Variants in SCN10A observed in about 807,000 individuals in gnomAD.
SCN10A encodes the protein sodium channel protein type 10 subunit alpha.
A neutral mutation model predicts 170.7 loss-of-function variants in SCN10A; 162 were observed. The observed-to-expected ratio is 0.95, with a 90% CI of 0.84 to 1.08. The LOEUF (loss-of-function observed/expected upper bound fraction) is 1.08, where lower values mean the gene tolerates loss of function less well. SCN10A is among the 50% of genes least tolerant of loss of function. The pLI is 0.00. For synonymous variants in SCN10A, 985 were observed against 904.6 expected (o/e 1.09, Z -1.59); for missense variants, 2,527 against 2,436.9 (o/e 1.04, Z -0.78).
rs950779366 is a variant in SCN10A, at chr3:38,714,059, C to T, written c.3703G>A (p.Ala1235Thr). ...IVNISLISLT[A>T]KILEYSEVAP... ...ACTTCAGAATATTCCAGAATCTTCG[C>T]TGTGAGACTTATCAGTGAGATCTGA... is the stretch of plus-strand genomic sequence containing the variant. Residue 1235 changes from alanine to threonine, a missense_variant, in exon 22 of 28, where the codon GCG becomes ACG. By Grantham distance (58) the Ala-to-Thr change is moderately conservative. Transcript: ENST00000449082. 14 of 1,614,100 alleles carry T rather than the reference C, an allele frequency of 8.7e-6. No individual in the cohort carries two copies. The highest frequency in any genetic ancestry group is 4.4e-5 in the South Asian group (4 of 91,090).
chr3:38,697,364 A>G lies in SCN10A; in HGVS notation c.5856T>C (p.Ile1952=), dbSNP rs943619583. ...AGTGTTCTCACTAGGGCCCAGGGGC[A>G]ATCAGCTCCATACTGGTGGCTTCAT... ...NEDEATSMEL[I]APGP Residue 1952 remains isoleucine (I), a synonymous_variant, in exon 28 of 28, where the codon ATT becomes ATC. Transcript: ENST00000449082. The G allele has an allele frequency of 5.0e-6, 8 of 1,613,706 alleles. No homozygotes were observed. Among genetic ancestry groups the G allele is most frequent in the Non-Finnish European group, 6.8e-6 (8 of 1,179,730 alleles).
intron 1 of SCN10A, among the ~76,000 whole-genome samples, chr3:38,807,271 A>C (rs977508982): frequency 6.6e-6 from 1 of 152,168 alleles, no homozygotes; most frequent in Non-Finnish European, 1.5e-5. Context: ...TAATCAATTT[A>C]ATAACTGATT....
chr3:38,698,018 C>T lies in SCN10A; in HGVS notation c.5202G>A (p.Glu1734=), dbSNP rs2063113343. 6.2e-7 allele frequency: 1 copy of T among 1,614,022 alleles called. No homozygotes were observed. The highest frequency in any genetic ancestry group is 8.5e-7 in the Non-Finnish European group (1 of 1,180,036). ...NFNVATEEST[E]PLSEDDFDMF... is the part of the protein sequence containing the mutation. Reference sequence around the variant, plus strand: ...TGTCAAAGTCGTCCTCACTCAGGGGCTCAGTGCTCTCCTCCGTGGCCACAT... The same window carrying T: ...TGTCAAAGTCGTCCTCACTCAGGGGTTCAGTGCTCTCCTCCGTGGCCACAT... Residue 1734 remains glutamate, a synonymous_variant, in exon 28 of 28, where the codon GAG becomes GAA. Coordinates refer to ENST00000449082, the MANE Select transcript of SCN10A (RefSeq NM_006514.4).
At chr3:38,701,474 C>T (rs1377893234) in intron 27 of SCN10A, among the ~76,000 whole-genome samples, 5 of 152,158 alleles carry the variant, frequency 3.3e-5, no homozygotes, top group African/African-American at 7.2e-5. Flanking sequence ...CCACCTGCCC[C>T]CTGCTTTCAA....
Position 38,713,993 on chromosome 3 carries a change from G to A in SCN10A, c.3769C>T (p.Pro1257Ser). 6.2e-7 allele frequency: 1 copy of A among 1,613,970 alleles called. No individual in the cohort carries two copies. Among genetic ancestry groups the A allele is most frequent in the Non-Finnish European group, 8.5e-7 (1 of 1,180,046 alleles). ...TCAAATCGAGAAAGAGCCCGCAGTG[G>A]CCGCAGAGCGCGAAGGGTTCGAAGG... The part of the protein sequence containing the change: ...KALRTLRALR[P>S]LRALSRFEGM... Residue 1257 changes from proline to serine, a missense_variant, in exon 22 of 28, where the codon CCA becomes TCA. Coordinates refer to ENST00000449082, the MANE Select transcript of SCN10A (RefSeq NM_006514.4).
At chr3:38,754,811 G>A (rs61349119) in intron 11 of SCN10A, among the ~76,000 whole-genome samples, 2,775 of 152,218 alleles carry the variant, frequency 0.018, 90 homozygotes, top group African/African-American at 0.063. Context: ...ATATCCTTCG[G>A]CTTAGCACAG....
At chr3:38,707,524 G>T in intron 25 of SCN10A, 141 bp from the exon 26 acceptor site, 1 of 813,468 alleles carries the variant, frequency 1.2e-6, no homozygotes, top group South Asian at 1.8e-5. Flanking sequence ...ATCAAGGAGT[G>T]TCTTGCCACA....
chr3:38,807,562 C>T (rs2064413424), intron 1 of SCN10A, among the ~76,000 whole-genome samples: 1 of 152,140 alleles, frequency 6.6e-6, no homozygotes, highest in South Asian at 2.1e-4. Context: ...CCATATGAGG[C>T]TTCACTGAAG....
intron 24 of SCN10A, 49 bp from the exon 25 acceptor site, chr3:38,709,664 A>G: frequency 6.7e-7 from 1 of 1,499,640 alleles, no homozygotes; most frequent in East Asian, 2.4e-5. Context: ...GTCTTAGTTC[A>G]GGTTCACTCT....
Position 38,756,861 on chromosome 3 carries a change from G to A in SCN10A, c.1103C>T (p.Thr368Ile), listed in dbSNP as rs1342841269. The change falls in exon 10 of 28, where the codon ACT (threonine) becomes ATT (isoleucine). Residue 368 changes from threonine (T) to isoleucine (I), a missense_variant. Physicochemically the swap from Thr to Ile is moderately conservative, Grantham distance 89. Coordinates refer to ENST00000449082, the MANE Select transcript of SCN10A (RefSeq NM_006514.4). ...WERLYQQTLR[T>I]SGKIYMIFFV... ...AAAGATCATATAGATTTTCCCAGAAGTCCTCAGGGTCTGCAGGTTCAAGGG... is the reference window on the plus strand; with the variant it reads ...AAAGATCATATAGATTTTCCCAGAAATCCTCAGGGTCTGCAGGTTCAAGGG... 1 of 1,614,060 alleles carries A rather than the reference G, an allele frequency of 6.2e-7. No homozygotes were observed. Among genetic ancestry groups the A allele is most frequent in the African/African-American group, 1.3e-5 (1 of 74,926 alleles).
chr3:38,784,463 G>A (rs982180043), intron 4 of SCN10A, among the ~76,000 whole-genome samples: 3 of 152,008 alleles, frequency 2.0e-5, no homozygotes, highest in African/African-American at 7.2e-5. Context: ...AATAAACTAG[G>A]TATTGATGGA....
At chr3:38,752,153 G>A (rs1576001418) in intron 12 of SCN10A, 66 bp downstream of exon 12, 2 of 1,392,592 alleles carry the variant, frequency 1.4e-6, no homozygotes, top group Non-Finnish European at 1.9e-6. Flanking sequence ...TGATACTCAG[G>A]CTTCTTGGCT....
At chr3:38,707,490 G>A in intron 25 of SCN10A, 107 bp from the exon 26 acceptor site, 1 of 1,117,566 alleles carries the variant, frequency 8.9e-7, no homozygotes. Context: ...CCCCTCCTCT[G>A]CAGATAGACA....
intron 5 of SCN10A, among the ~76,000 whole-genome samples, chr3:38,766,666 GT>G (rs778880075): frequency 2.6e-5 from 4 of 152,054 alleles, no homozygotes; most frequent in Non-Finnish European, 5.9e-5. Context: ...TTGCATCTAT[GT>G]TCATCAGGGA....
intron 4 of SCN10A, among the ~76,000 whole-genome samples, chr3:38,777,268 A>G (rs2064087177): frequency 6.6e-6 from 1 of 152,094 alleles, no homozygotes; most frequent in Non-Finnish European, 1.5e-5. Flanking sequence ...AGGAAGTCCA[A>G]GGGAATCTAC....
chr3:38,715,462 C>T (rs1284076269), intron 21 of SCN10A, among the ~76,000 whole-genome samples: 1 of 152,238 alleles, frequency 6.6e-6, no homozygotes, highest in African/African-American at 2.4e-5. Context: ...AAACTCCATA[C>T]TCTGTAGCCT....
chr3:38,738,185 G>A (rs1490967005), intron 15 of SCN10A, among the ~76,000 whole-genome samples: 1 of 152,006 alleles, frequency 6.6e-6, no homozygotes. Context: ...GCCTGCCTCG[G>A]CCTCCCAAAG....
At chr3:38,751,484 A>T (rs1414817029) in intron 12 of SCN10A, among the ~76,000 whole-genome samples, 1 of 152,222 alleles carries the variant, frequency 6.6e-6, no homozygotes, top group Non-Finnish European at 1.5e-5. Context: ...TCTAAGACTT[A>T]TCTGTATCAG....
intron 4 of SCN10A, among the ~76,000 whole-genome samples, chr3:38,785,503 A>G (rs1352664027): frequency 1.6e-4 from 24 of 152,188 alleles, no homozygotes; most frequent in Non-Finnish European, 3.5e-4. Flanking sequence ...AAAGACTTAA[A>G]CATAAGACCT....
Sources: allele counts gnomAD v4.1 joint callset (sites outside exome capture counted in the v4.1 genomes callset), GRCh38; gene constraint gnomAD v4.1.1; transcripts MANE v1.5; gene names NCBI Gene and HGNC (gene_info 2026-07-23, HGNC 2026-07-21).